The following UQCC1 variants were observed in gnomAD, a reference collection of about 807,000 sequenced individuals.
The protein encoded by UQCC1 is ubiquinol-cytochrome c reductase complex assembly factor 1, also known as bFGF-repressed Zic-binding protein.
In UQCC1, 38 loss-of-function variants were observed where a neutral mutation model predicts 48.0. The observed-to-expected ratio is 0.79, with a 90% CI of 0.61 to 1.04. The LOEUF (loss-of-function observed/expected upper bound fraction) is 1.04, where lower values mean the gene tolerates loss of function less well. Among genes scored for constraint, UQCC1 ranks in the 50% least tolerant of loss-of-function variants. The pLI is 0.00. For missense variants in UQCC1, 368 were observed against 381.8 expected (o/e 0.96, Z 0.30); for synonymous variants, 111 against 129.2 (o/e 0.86, Z 0.95).
At chr20:35,394,046 T>C (rs747810330) in intron 2 of UQCC1, 46 bp downstream of exon 2, 2 of 1,564,274 alleles carry the variant, frequency 1.3e-6, no homozygotes, top group South Asian at 1.1e-5. Flanking sequence ...CATTTGCACA[T>C]AAACACTAAG....
chr20:35,371,025 T>A (rs2146452102), intron 5 of UQCC1, among the ~76,000 whole-genome samples: 1 of 152,318 alleles, frequency 6.6e-6, no homozygotes, highest in Admixed American at 6.5e-5. Context: ...CACAATATTT[T>A]GTAACTCCTA....
chr20:35,322,327 A>G, intron 7 of UQCC1, among the ~76,000 whole-genome samples: 1 of 152,022 alleles, frequency 6.6e-6, no homozygotes. Flanking sequence ...ATTTAATAAT[A>G]TTTTCATTTT....
At chr20:35,322,271 GATA>G (rs1329815568) in intron 7 of UQCC1, among the ~76,000 whole-genome samples, 1 of 152,126 alleles carries the variant, frequency 6.6e-6, no homozygotes. Context: ...AATCCGTACT[GATA>G]ATAATGATGA....
chr20:35,313,071 T>A (rs1303982791), intron 8 of UQCC1, among the ~76,000 whole-genome samples: 2 of 152,108 alleles, frequency 1.3e-5, no homozygotes, highest in African/African-American at 4.8e-5. Context: ...ATATGTATAT[T>A]TTACAATTTT....
intron 7 of UQCC1, chr20:35,346,249 G>C (rs1474175812): frequency 6.6e-6 from 1 of 152,266 alleles, no homozygotes; most frequent in Admixed American, 6.5e-5. Context: ...ACCCTAGCCA[G>C]CAGTGGCAAC....
At chr20:35,395,642 C>A (rs1262227769) in intron 1 of UQCC1, among the ~76,000 whole-genome samples, 1 of 152,068 alleles carries the variant, frequency 6.6e-6, no homozygotes, top group Non-Finnish European at 1.5e-5. Context: ...CAGCCACAGG[C>A]CAGGAGGGTG....
rs769002123 is a variant in UQCC1 at position 35,304,072 on chromosome 20, G to C, written c.766-3C>G. The stretch of plus-strand genomic sequence containing the variant: ...TTCATGGAGTCCAGGTACTGTATCT[G>C]CAACCAGGGGAGGGGGAAGGAGGAA... On this transcript the variant is annotated splice_region_variant and splice_polypyrimidine_tract_variant and intron_variant, in intron 9 of 9. Transcript: ENST00000374385. 1 of 1,613,960 alleles carries C rather than the reference G, an allele frequency of 6.2e-7. No individual in the cohort carries two copies. The highest frequency in any genetic ancestry group is 8.5e-7 in the Non-Finnish European group (1 of 1,179,888).
At chr20:35,346,580 T>C (rs2061434140) in intron 7 of UQCC1, 1 of 163,852 alleles carries the variant, frequency 6.1e-6, no homozygotes, top group Non-Finnish European at 1.3e-5. Flanking sequence ...TATTCTAGTG[T>C]TTTGGTTTCA....
Position 35,347,283 on chromosome 20 carries a change from A to C in UQCC1, c.465-11T>G. On this transcript the variant is annotated splice_polypyrimidine_tract_variant and intron_variant, in intron 6 of 9. Coordinates refer to ENST00000374385, the MANE Select transcript of UQCC1 (RefSeq NM_018244.5). ...CGGACTAGACACATCCTGGGTGGGA[A>C]GAAGACAAAAAAAGTCTTGGCTGTT... 1 of 1,613,170 alleles carries C rather than the reference A, an allele frequency of 6.2e-7. No homozygotes were observed. Among genetic ancestry groups the C allele is most frequent in the Non-Finnish European group, 8.5e-7 (1 of 1,179,202 alleles).
At chr20:35,374,341 T>C in intron 4 of UQCC1, 85 bp from the exon 5 acceptor site, 1 of 1,020,892 alleles carries the variant, frequency 9.8e-7, no homozygotes, top group Non-Finnish European at 1.5e-6. Flanking sequence ...AAATCTTATA[T>C]TTCTTCAACT....
intron 7 of UQCC1, among the ~76,000 whole-genome samples, chr20:35,324,140 A>G (rs2146331213): frequency 6.6e-6 from 1 of 152,380 alleles, no homozygotes; most frequent in South Asian, 2.1e-4. Context: ...AAGAGACTAT[A>G]CATAAGTTCC....
chr20:35,327,864 T>C (rs2061212258), intron 7 of UQCC1, among the ~76,000 whole-genome samples: 1 of 151,998 alleles, frequency 6.6e-6, no homozygotes, highest in Admixed American at 6.6e-5. Context: ...TAGCTGGGCA[T>C]GGTGGTGGGT....
At chr20:35,397,715 T>C (rs2062103462) in intron 1 of UQCC1, among the ~76,000 whole-genome samples, 1 of 152,072 alleles carries the variant, frequency 6.6e-6, no homozygotes, top group South Asian at 2.1e-4. Context: ...TATATGCAAA[T>C]ACTATGCCAC....
intron 7 of UQCC1, among the ~76,000 whole-genome samples, chr20:35,316,669 C>T (rs995062988): frequency 9.9e-5 from 15 of 152,120 alleles, no homozygotes; most frequent in African/African-American, 3.6e-4. Context: ...GACAGAGTCT[C>T]GCTCTGTCAC....
chr20:35,384,066 A>G lies in UQCC1; in HGVS notation c.197T>C (p.Leu66Pro). 6.2e-7 allele frequency: 1 copy of G among 1,612,888 alleles called. No homozygotes were observed. The change falls in exon 3 of 10, where the codon CTG becomes CCG. Residue 66 changes from leucine to proline, a missense_variant. Physicochemically the swap from Leu to Pro is moderately conservative, Grantham distance 98. Transcript: ENST00000374385. Reference protein sequence around the residue: ...SEQIPGIDIQLNRKYHTTRKL... With the variant: ...SEQIPGIDIQPNRKYHTTRKL... Reference sequence around the variant, plus strand: ...ACGTGTGGTGTGATACTTCCTATTCAGCTGTATGTCTATTCCAGGAATCTG... The same window carrying G: ...ACGTGTGGTGTGATACTTCCTATTCGGCTGTATGTCTATTCCAGGAATCTG...
At chr20:35,357,882 G>A (rs544904794) in intron 6 of UQCC1, among the ~76,000 whole-genome samples, 1 of 152,140 alleles carries the variant, frequency 6.6e-6, no homozygotes, top group East Asian at 1.9e-4. Context: ...CATCATGGGT[G>A]TATACCCTCA....
chr20:35,381,734 C>G (rs1389521445), intron 4 of UQCC1, among the ~76,000 whole-genome samples, 184 bp downstream of exon 4: 1 of 152,122 alleles, frequency 6.6e-6, no homozygotes, highest in African/African-American at 2.4e-5. Context: ...ACCCGCCTAC[C>G]CAGCCAGATC....
At chr20:35,404,152 C>T (rs1175401452) in intron 1 of UQCC1, among the ~76,000 whole-genome samples, 2 of 150,920 alleles carry the variant, frequency 1.3e-5, no homozygotes, top group African/African-American at 2.4e-5. Flanking sequence ...GAAGCCGAGG[C>T]GGGCGGATCA....
At chr20:35,390,373 G>C (rs910745412) in intron 2 of UQCC1, among the ~76,000 whole-genome samples, 5 of 149,560 alleles carry the variant, frequency 3.3e-5, no homozygotes, top group African/African-American at 1.2e-4. Context: ...AGTGAGCTGA[G>C]ATTGCACCAC....
Sources: gnomAD v4.1 joint callset for allele counts (sites outside exome capture counted in the v4.1 genomes callset) on GRCh38, gnomAD v4.1.1 for gene constraint, MANE v1.5 for transcripts, NCBI Gene and HGNC (gene_info 2026-07-23, HGNC 2026-07-21) for gene names.